ZBTB40: variants seen among roughly 807,000 people sequenced by gnomAD.
ZBTB40 encodes the protein zinc finger and BTB domain-containing protein 40.
A neutral mutation model predicts 117.5 loss-of-function variants in ZBTB40; 60 were observed. That is an observed-to-expected ratio of 0.51 (90% confidence interval 0.41 to 0.63). ZBTB40 has a LOEUF of 0.63. Among genes scored for constraint, ZBTB40 ranks in the 30% least tolerant of loss-of-function variants. The pLI is 0.00. For synonymous variants in ZBTB40, 525 were observed against 577.1 expected, an observed-to-expected ratio of 0.91 and a Z score of 1.29; for missense variants, 1,287 against 1,498.5, an observed-to-expected ratio of 0.86 and a Z score of 2.33.
rs1225536166 is a variant in ZBTB40 at position 22,433,438 on chromosome 1, A to AC, written c.-70+4424_-70+4425insC. 1.4e-3 allele frequency among the ~76,000 whole-genome samples: 179 copies of AC among 129,140 alleles called. 5 individuals are homozygous for AC. The highest frequency in any genetic ancestry group is 3.9e-3 in the Middle Eastern group (1 of 256). 84.7% of individuals were successfully genotyped at this position (129,140 alleles called of 152,430 possible). A position where few individuals can be genotyped will look rare whatever the true frequency, so the allele number is the denominator to read the frequency against. On this transcript the variant is annotated intron_variant, in intron 1 of 8. Coordinates refer to the ZBTB40 transcript ENST00000650433. The stretch of plus-strand genomic sequence containing the variant: ...ACAGAGCAAGACGCCCTCTCAAAAA[A>AC]AAAAAAAAAAAAAAAAAAAGACAGC...
At chr1:22,484,418 T>C (rs1638409816) in intron 1 of ZBTB40, among the ~76,000 whole-genome samples, 1 of 152,212 alleles carries the variant, frequency 6.6e-6, no homozygotes, top group Non-Finnish European at 1.5e-5. Flanking sequence ...CTAGTGTAAA[T>C]GGTAAAGTTT....
chr1:22,513,087 G>A lies in ZBTB40; in HGVS notation c.2625G>A (p.Gln875=). Residue 875 remains glutamine (Q), a synonymous_variant, in exon 12 of 18, where the codon CAG becomes CAA. Transcript: ENST00000375647. The surrounding 1 kb of genome is among the most constrained non-coding windows in gnomAD (Gnocchi z 4.9). ...AGCACTGCCTCATGACCTTCACCCA[G>A]GCCTCCGCCCTGGCCTATCACACCA... ...MCKHCLMTFT[Q]ASALAYHTKK... 1 of 1,614,142 alleles carries A rather than the reference G, an allele frequency of 6.2e-7. No homozygotes were observed. Among genetic ancestry groups the A allele is most frequent in the Non-Finnish European group, 8.5e-7 (1 of 1,180,020 alleles).
chr1:22,521,799 C>T (rs1230556717), intron 15 of ZBTB40, 141 bp downstream of exon 15: 10 of 1,253,506 alleles, frequency 8.0e-6, no homozygotes, highest in East Asian at 4.8e-5. Context: ...CGCACCTGTC[C>T]GTAGCAGCAG....
At chr1:22,489,851 T>C in intron 1 of ZBTB40, 29 bp from the exon 2 acceptor site, 7 of 1,192,412 alleles carry the variant, frequency 5.9e-6, no homozygotes, top group Non-Finnish European at 7.4e-6. Context: ...TTTTGAAGTT[T>C]TAACCTGGTA....
intron 6 of ZBTB40, 101 bp downstream of exon 6, chr1:22,506,342 T>C (rs1639076095): frequency 8.4e-7 from 1 of 1,188,384 alleles, no homozygotes; most frequent in South Asian, 1.3e-5. Flanking sequence ...AAGATTATGT[T>C]AAGAAATGTC....
intron 1 of ZBTB40, among the ~76,000 whole-genome samples, chr1:22,476,420 G>C (rs1302811385): frequency 6.6e-6 from 1 of 152,038 alleles, no homozygotes; most frequent in African/African-American, 2.4e-5. Flanking sequence ...GGGTTTTGCC[G>C]TGTTGCCCAA....
intron 9 of ZBTB40, among the ~76,000 whole-genome samples, 163 bp from the exon 10 acceptor site, chr1:22,511,016 A>T (rs146467428): frequency 6.6e-6 from 1 of 151,420 alleles, no homozygotes; most frequent in Admixed American, 6.6e-5. Context: ...TCTTTGGCAA[A>T]CAGAGCTGTC....
Position 22,508,536 on chromosome 1 carries a change from G to A in ZBTB40, c.1504G>A (p.Glu502Lys). ...TTTGTGTTACATCTTGAAGGTCATG[G>A]AGAAGCTTGTGAAACGTGACTCTGG... ...SLAPGEREVM[E>K]KLVKRDSGSG... The change falls in exon 8 of 18, where the codon GAG (glutamate) becomes AAG (lysine). Residue 502 changes from glutamate to lysine, a missense_variant. Physicochemically the swap from Glu to Lys is moderately conservative, Grantham distance 56. Transcript: ENST00000375647. 6.2e-7 allele frequency: 1 copy of A among 1,614,198 alleles called. No homozygotes were observed.
chr1:22,458,643 T>C (rs1641059354), intron 1 of ZBTB40, among the ~76,000 whole-genome samples: 1 of 152,264 alleles, frequency 6.6e-6, no homozygotes, highest in Admixed American at 6.5e-5. Context: ...TAAAGTCACT[T>C]GATGTAATTA....
intron 1 of ZBTB40, among the ~76,000 whole-genome samples, chr1:22,468,988 G>A (rs572260584): frequency 6.6e-6 from 1 of 151,664 alleles, no homozygotes; most frequent in African/African-American, 2.4e-5. Flanking sequence ...CACCACACTT[G>A]GCTAATTTTT....
At chr1:22,522,906 AC>A (rs1295133036) in intron 16 of ZBTB40, among the ~76,000 whole-genome samples, 2 of 145,128 alleles carry the variant, frequency 1.4e-5, no homozygotes, top group African/African-American at 5.1e-5. Flanking sequence ...AGCTGGAATT[AC>A]AGGTGCCTGC....
At chr1:22,493,205 A>G (rs540897304) in intron 3 of ZBTB40, among the ~76,000 whole-genome samples, 82 of 152,314 alleles carry the variant, frequency 5.4e-4, no homozygotes, top group Non-Finnish European at 4.4e-5. Flanking sequence ...ATACTTCAAA[A>G]GAACACTGAT....
intron 3 of ZBTB40, among the ~76,000 whole-genome samples, chr1:22,492,744 AT>A (rs1442388667): frequency 1.3e-5 from 2 of 152,234 alleles, no homozygotes; most frequent in Admixed American, 1.3e-4. Context: ...GAGACAAGCT[AT>A]TTACAAGGCT....
intron 1 of ZBTB40, among the ~76,000 whole-genome samples, chr1:22,460,159 T>C (rs2124387664): frequency 6.6e-6 from 1 of 152,248 alleles, no homozygotes; most frequent in East Asian, 1.9e-4. Context: ...TAGCACTGTG[T>C]CCTGCGTACA....
At chr1:22,443,578 G>A (rs116284416) in intron 1 of ZBTB40, among the ~76,000 whole-genome samples, 4,198 of 152,286 alleles carry the variant, frequency 0.028, 227 homozygotes, top group African/African-American at 0.096. Context: ...AGGCTTCAGA[G>A]AGAATAGATG....
At chr1:22,487,272 G>C (rs888035559) in intron 1 of ZBTB40, among the ~76,000 whole-genome samples, 21 of 152,302 alleles carry the variant, frequency 1.4e-4, no homozygotes, top group African/African-American at 4.8e-4. Flanking sequence ...GTCAATTTCA[G>C]TGTCAGTAAA....
upstream of ZBTB40, among the ~76,000 whole-genome samples, chr1:22,447,937 C>A (rs764286411): frequency 6.6e-6 from 1 of 152,206 alleles, no homozygotes; most frequent in African/African-American, 2.4e-5. Context: ...GACACCTACT[C>A]GAACAAATAA....
rs1330998557 is a variant in ZBTB40, at chr1:22,513,289, A to G, written c.2668+159A>G. Among the ~76,000 whole-genome samples the G allele has an allele frequency of 3.3e-5, 5 of 152,230 alleles. No homozygotes were observed. Among genetic ancestry groups the G allele is most frequent in the Non-Finnish European group, 7.3e-5 (5 of 68,034 alleles). Reference sequence around the variant, plus strand: ...TAACTTAATTGTACATTTTAAATACAGTGTAATTTGGATTATTTATTACAC... The same window carrying G: ...TAACTTAATTGTACATTTTAAATACGGTGTAATTTGGATTATTTATTACAC... On this transcript the variant is annotated intron_variant, in intron 12 of 17. Coordinates refer to ENST00000375647, the MANE Select transcript of ZBTB40 (RefSeq NM_014870.4). This position sits in a 1 kb window ranked among gnomAD's most constrained non-coding sequence, Gnocchi z 4.9.
At chr1:22,483,342 A>G (rs1289956847) in intron 1 of ZBTB40, among the ~76,000 whole-genome samples, 1 of 152,168 alleles carries the variant, frequency 6.6e-6, no homozygotes, top group African/African-American at 2.4e-5. Context: ...TCATGTGGCA[A>G]GAGTATGTTT....
Sources: allele counts gnomAD v4.1 joint callset (sites outside exome capture counted in the v4.1 genomes callset), GRCh38; gene constraint gnomAD v4.1.1; non-coding constraint Gnocchi (gnomAD v3.1); transcripts MANE v1.5; gene names NCBI Gene and HGNC (gene_info 2026-07-23, HGNC 2026-07-21).